GRIK4: variants seen among roughly 807,000 people sequenced by gnomAD.
GRIK4 encodes the protein glutamate ionotropic receptor kainate type subunit 4.
Under a neutral mutation model 104.9 loss-of-function variants are expected in GRIK4, and 40 were observed. The observed-to-expected ratio is 0.38, with a 90% CI of 0.30 to 0.50. GRIK4 has a LOEUF of 0.50. GRIK4 is among the 20% of genes least tolerant of loss of function. The pLI is 0.93. For synonymous variants in GRIK4, 485 were observed against 524.9 expected (o/e 0.92, Z 1.04); for missense variants, 1,047 against 1,308.1 (o/e 0.80, Z 3.08).
chr11:120,673,778 C>G (rs1348021972), intron 3 of GRIK4, among the ~76,000 whole-genome samples: 1 of 152,218 alleles, frequency 6.6e-6, no homozygotes, highest in Non-Finnish European at 1.5e-5. Context: ...GGGACTGCCC[C>G]TGGCCTCCAG....
chr11:120,948,434 G>C (rs747646076), intron 14 of GRIK4, among the ~76,000 whole-genome samples: 1 of 152,306 alleles, frequency 6.6e-6, no homozygotes, highest in African/African-American at 2.4e-5. Context: ...AACCTGCAAC[G>C]TGTCTGGTCC....
At chr11:120,709,579 GT>G (rs1374121205) in intron 3 of GRIK4, among the ~76,000 whole-genome samples, 1 of 152,130 alleles carries the variant, frequency 6.6e-6, no homozygotes, top group African/African-American at 2.4e-5. Flanking sequence ...TGGAGAATTG[GT>G]GCCATCTGGT....
chr11:120,687,655 G>T (rs12281001), intron 3 of GRIK4, among the ~76,000 whole-genome samples: 15,122 of 152,086 alleles, frequency 0.099, 815 homozygotes, highest in South Asian at 0.13. Flanking sequence ...TTCCTCAAGA[G>T]GTGTTTTACT....
At chr11:120,666,729 G>A (rs1242343770) in intron 3 of GRIK4, among the ~76,000 whole-genome samples, 6 of 152,162 alleles carry the variant, frequency 3.9e-5, no homozygotes, top group Non-Finnish European at 8.8e-5. Context: ...GAATATTATG[G>A]GCTGATGGTA....
intron 1 of GRIK4, among the ~76,000 whole-genome samples, chr11:120,516,085 C>A (rs1378552314): frequency 1.3e-5 from 2 of 152,180 alleles, no homozygotes; most frequent in Admixed American, 6.5e-5. Flanking sequence ...CTTTTTGATT[C>A]ATCACAGGTT....
intron 3 of GRIK4, among the ~76,000 whole-genome samples, chr11:120,691,860 C>T (rs984805409): frequency 2.0e-5 from 3 of 152,218 alleles, no homozygotes; most frequent in Non-Finnish European, 4.4e-5. Context: ...TTAGGAACTG[C>T]TGTACTGTTG....
intron 3 of GRIK4, among the ~76,000 whole-genome samples, chr11:120,765,739 G>A (rs1951826775): frequency 6.6e-6 from 1 of 152,108 alleles, no homozygotes; most frequent in South Asian, 2.1e-4. Flanking sequence ...GTCTGCTGGA[G>A]GTCCATTCAA....
intron 19 of GRIK4, among the ~76,000 whole-genome samples, chr11:120,976,110 CTCTT>C (rs1219594898): frequency 6.6e-6 from 1 of 152,198 alleles, no homozygotes; most frequent in Non-Finnish European, 1.5e-5. Context: ...CTCTGAATTT[CTCTT>C]TCTTTAACTG....
intron 13 of GRIK4, among the ~76,000 whole-genome samples, chr11:120,921,747 G>T (rs1312213437): frequency 2.0e-5 from 3 of 152,162 alleles, no homozygotes; most frequent in African/African-American, 7.2e-5. Flanking sequence ...TCTCCATGGG[G>T]TGGGGAGGTC....
intron 1 of GRIK4, among the ~76,000 whole-genome samples, chr11:120,635,393 C>T (rs900820559): frequency 6.6e-6 from 1 of 152,332 alleles, no homozygotes; most frequent in Middle Eastern, 3.4e-3. Flanking sequence ...TCCTGCGTGC[C>T]GCAGTCACCC....
At position 120,956,358 on chromosome 11, in the gene GRIK4, T is replaced by C. The variant is rs542580; in HGVS notation, c.1701-422T>C. ...CTAGGATTACAGGCACACACCACCA[T>C]ACCTGGCTAATTTTTTTGTATTTTT... is the stretch of plus-strand genomic sequence containing the variant. On this transcript the variant is annotated intron_variant, in intron 15 of 20. Coordinates refer to ENST00000527524, the MANE Select transcript of GRIK4 (RefSeq NM_014619.5). The surrounding 1 kb of genome is among the most constrained non-coding windows in gnomAD (Gnocchi z 4.6). Among the ~76,000 whole-genome samples, 146,819 of 152,144 alleles carry C rather than the reference T, an allele frequency of 0.96. 70,856 individuals carry two copies. Among genetic ancestry groups the C allele is most frequent in the East Asian group, 1 (5,167 of 5,174 alleles).
In GRIK4 at chr11:120,924,554, C is replaced by T. The variant is rs181943538; in HGVS notation, c.1477-15793C>T. ...GGATCAAGAAATATACCCTTAGCGGCATCCTGAAGACCCCCTTGTCCCCAC... is the reference window on the plus strand; with the variant it reads ...GGATCAAGAAATATACCCTTAGCGGTATCCTGAAGACCCCCTTGTCCCCAC... On this transcript the variant is annotated intron_variant, in intron 13 of 20. Transcript: ENST00000527524. 1.7e-4 allele frequency among the ~76,000 whole-genome samples: 21 copies of T among 125,646 alleles called. No homozygotes were observed. The East Asian group carries it at 2.3e-3, about 14-fold the overall frequency. 82.4% of individuals were successfully genotyped at this position (125,646 alleles called of 152,430 possible).
chr11:120,643,255 G>A (rs911884156), intron 1 of GRIK4, among the ~76,000 whole-genome samples: 1 of 152,216 alleles, frequency 6.6e-6, no homozygotes, highest in African/African-American at 2.4e-5. Flanking sequence ...ATAAAGCAGG[G>A]TAGCAAGGAT....
At chr11:120,927,586 A>AAAAG (rs1555096054) in intron 13 of GRIK4, among the ~76,000 whole-genome samples, 7,009 of 94,312 alleles carry the variant, frequency 0.074, 309 homozygotes, top group East Asian at 0.11. Context: ...AAAAAAAAAA[A>AAAAG]AAAGAAAGAA....
intron 3 of GRIK4, among the ~76,000 whole-genome samples, chr11:120,693,371 C>T (rs2135314702): frequency 6.6e-6 from 1 of 152,264 alleles, no homozygotes; most frequent in South Asian, 2.1e-4. Context: ...TCCCAAAGTG[C>T]TGGGATTGCA....
intron 3 of GRIK4, among the ~76,000 whole-genome samples, chr11:120,800,446 G>A (rs765956709): frequency 6.6e-6 from 1 of 152,158 alleles, no homozygotes; most frequent in Non-Finnish European, 1.5e-5. Flanking sequence ...ATCTCATTCT[G>A]GTCGTGCTTC....
At chr11:120,931,079 C>T (rs1055239547) in intron 13 of GRIK4, among the ~76,000 whole-genome samples, 1 of 152,042 alleles carries the variant, frequency 6.6e-6, no homozygotes, top group Non-Finnish European at 1.5e-5. Context: ...AATTATTATC[C>T]CCACTTTACA....
intron 1 of GRIK4, among the ~76,000 whole-genome samples, chr11:120,535,805 T>C (rs956010678): frequency 2.0e-5 from 3 of 152,264 alleles, no homozygotes; most frequent in African/African-American, 7.2e-5. Context: ...CTGCACCTAT[T>C]CCTACCTTGC....
At chr11:120,935,267 C>T (rs980272995) in intron 13 of GRIK4, among the ~76,000 whole-genome samples, 3 of 152,170 alleles carry the variant, frequency 2.0e-5, no homozygotes, top group African/African-American at 7.2e-5. Flanking sequence ...CCACAAGTGA[C>T]AAGAGTCAGG....
Sources: allele counts gnomAD v4.1 joint callset (sites outside exome capture counted in the v4.1 genomes callset), GRCh38; gene constraint gnomAD v4.1.1; non-coding constraint Gnocchi (gnomAD v3.1); transcripts MANE v1.5; gene names NCBI Gene and HGNC (gene_info 2026-07-23, HGNC 2026-07-21).